Variants in WDR27 observed in about 807,000 individuals in gnomAD.
The protein encoded by WDR27 is WD repeat-containing protein 27.
A neutral mutation model predicts 114.4 loss-of-function variants in WDR27; 100 were observed. That is an observed-to-expected ratio of 0.87 (90% CI 0.74 to 1.03). The LOEUF (loss-of-function observed/expected upper bound fraction) is 1.03, where lower values mean the gene tolerates loss of function less well. WDR27 is among the 50% of genes least tolerant of loss of function. WDR27 has a pLI of 0.00. For synonymous variants in WDR27, 449 were observed against 423.1 expected (o/e 1.06, Z -0.75); for missense variants, 1,129 against 1,092.9 (o/e 1.03, Z -0.47).
intron 25 of WDR27, among the ~76,000 whole-genome samples, chr6:169,504,035 T>G (rs1161850684): frequency 6.6e-6 from 1 of 152,128 alleles, no homozygotes; most frequent in African/African-American, 2.4e-5. Flanking sequence ...TAAAATTTAC[T>G]TTACAATTCA....
intron 25 of WDR27, among the ~76,000 whole-genome samples, chr6:169,479,746 T>C (rs1304728461): frequency 6.6e-6 from 1 of 152,244 alleles, no homozygotes; most frequent in Non-Finnish European, 1.5e-5. Flanking sequence ...AGGTTACAAG[T>C]GCAGGTTTGT....
chr6:169,684,168 C>CA lies in WDR27; in HGVS notation c.189+4648dup, dbSNP rs1413589038. On this transcript the variant is annotated intron_variant, in intron 2 of 25. Transcript: ENST00000448612. This position sits in a 1 kb window ranked among gnomAD's most constrained non-coding sequence, Gnocchi z 4.3. ...CAACCCTCGCCACTGCACTTCCAGC[C>CA]AGAGAAACAACCCAGCACTCCTGCC... 6.6e-6 allele frequency among the ~76,000 whole-genome samples: 1 copy of CA among 152,110 alleles called. No homozygotes were observed. The highest frequency in any genetic ancestry group is 2.4e-5 in the African/African-American group (1 of 41,418).
At chr6:169,434,206 T>C in the WDR27 span, among the ~76,000 whole-genome samples, 1 of 152,060 alleles carries the variant, frequency 6.6e-6, no homozygotes, top group Non-Finnish European at 1.5e-5. Context: ...TCTTCTAGGG[T>C]TTTTTATGGT....
At chr6:169,506,480 T>C (rs1792009492) in intron 25 of WDR27, among the ~76,000 whole-genome samples, 1 of 152,198 alleles carries the variant, frequency 6.6e-6, no homozygotes, top group African/African-American at 2.4e-5. Flanking sequence ...TCCTTAGTAA[T>C]GACTGTCTGG....
At chr6:169,680,513 C>T (rs776847276) in intron 2 of WDR27, among the ~76,000 whole-genome samples, 5 of 152,122 alleles carry the variant, frequency 3.3e-5, no homozygotes, top group East Asian at 1.9e-4. Flanking sequence ...ACCCGGGAGG[C>T]GGAGCTTGCA....
intron 16 of WDR27, 174 bp downstream of exon 16, chr6:169,647,599 G>A (rs75438963): frequency 0.066 from 46,537 of 703,546 alleles, 1,784 homozygotes; most frequent in East Asian, 0.11. Flanking sequence ...CTACAGTCGA[G>A]TGAAACGCAG....
chr6:169,458,508 C>A (rs942502520), intron 25 of WDR27, among the ~76,000 whole-genome samples: 1 of 152,140 alleles, frequency 6.6e-6, no homozygotes, highest in Non-Finnish European at 1.5e-5. Flanking sequence ...GCCAGACATT[C>A]AAAAACAACT....
At chr6:169,664,666 T>C (rs778075895) in intron 7 of WDR27, 1 of 1,039,936 alleles carries the variant, frequency 9.6e-7, no homozygotes, top group Non-Finnish European at 1.2e-6. Context: ...GCGGTCAACT[T>C]TGTCAAAAGG....
chr6:169,474,065 C>A (rs1786805032), intron 25 of WDR27, among the ~76,000 whole-genome samples: 1 of 152,202 alleles, frequency 6.6e-6, no homozygotes, highest in Non-Finnish European at 1.5e-5. Context: ...CAAATCCTTT[C>A]CTAAAATAAA....
chr6:169,649,402 C>T, intron 14 of WDR27, 127 bp from the exon 15 acceptor site: 1 of 758,446 alleles, frequency 1.3e-6, no homozygotes, highest in Non-Finnish European at 2.2e-6. Context: ...GCTTTCGGGC[C>T]CCTCCCACCT....
Position 169,672,399 on chromosome 6 carries a change from G to C in WDR27, c.190-3C>G. ...TGGTGTCCTCGTAGGATTAGAAGCT[G>C]GGAAAATTAACAAAAATAAAACACA... On this transcript the variant is annotated splice_polypyrimidine_tract_variant and splice_region_variant and intron_variant, in intron 2 of 25. Transcript: ENST00000448612. 6.3e-7 allele frequency: 1 copy of C among 1,580,674 alleles called. No individual in the cohort carries two copies. The highest frequency in any genetic ancestry group is 8.6e-7 in the Non-Finnish European group (1 of 1,163,882).
chr6:169,529,672 C>T (rs1795359163), intron 25 of WDR27, among the ~76,000 whole-genome samples: 1 of 152,232 alleles, frequency 6.6e-6, no homozygotes, highest in East Asian at 1.9e-4. Flanking sequence ...TTTGGACAGG[C>T]TCATTCAAAT....
chr6:169,584,896 CT>C (rs1392235669), intron 23 of WDR27, among the ~76,000 whole-genome samples: 1 of 152,150 alleles, frequency 6.6e-6, no homozygotes, highest in Non-Finnish European at 1.5e-5. Flanking sequence ...AGGCATCACA[CT>C]TGATTTAAGA....
In WDR27 at chr6:169,584,678, T is replaced by C. The variant is rs140207949; in HGVS notation, c.2425-1744A>G. Among the ~76,000 whole-genome samples the C allele has an allele frequency of 1.2e-4, 19 of 152,348 alleles. No individual in the cohort carries two copies. In the South Asian group the frequency reaches 3.9e-3, roughly 32 times the overall value. On this transcript the variant is annotated intron_variant, in intron 23 of 25. Coordinates refer to ENST00000448612, the MANE Select transcript of WDR27 (RefSeq NM_182552.5). The stretch of plus-strand genomic sequence containing the variant: ...TAGTGATGTGGAGCACCTTTTCGTA[T>C]AGCTTTTTGGCCATTTTTATATTGT...
chr6:169,536,664 G>A (rs565147490), intron 25 of WDR27, among the ~76,000 whole-genome samples: 2 of 152,136 alleles, frequency 1.3e-5, no homozygotes, highest in South Asian at 4.2e-4. Context: ...CTAGGCTCTG[G>A]GATTAGGCAG....
At chr6:169,509,386 A>G (rs1194777848) in intron 25 of WDR27, among the ~76,000 whole-genome samples, 1 of 152,228 alleles carries the variant, frequency 6.6e-6, no homozygotes, top group Admixed American at 6.5e-5. Flanking sequence ...ACTATACTAC[A>G]AGGCTACAGT....
intron 24 of WDR27, among the ~76,000 whole-genome samples, chr6:169,578,916 G>A (rs1462634717): frequency 6.6e-6 from 1 of 152,148 alleles, no homozygotes; most frequent in East Asian, 1.9e-4. Flanking sequence ...TAAGAAGTGT[G>A]GGAGCTGCCG....
chr6:169,659,390 GAAGA>G lies in WDR27; in HGVS notation c.1197+57_1197+60del, dbSNP rs1483113600. On this transcript the variant is annotated intron_variant, in intron 11 of 25. Transcript: ENST00000448612. The surrounding 1 kb of genome is among the most constrained non-coding windows in gnomAD (Gnocchi z 4.3). ...CAGCCAGTCGTTACAGGATCACTCT[GAAGA>G]AAGAAGAAATCAGAGGCACGTCTCA... 1.8e-4 allele frequency: 281 copies of G among 1,593,448 alleles called. 1 individual carries two copies. The highest frequency in any genetic ancestry group is 1.3e-4 in the Non-Finnish European group (154 of 1,167,946).
Position 169,659,192 on chromosome 6 carries a change from C to G in WDR27, c.1213G>C (p.Ala405Pro), listed in dbSNP as rs752153199. 2 of 1,605,696 alleles carry G rather than the reference C, an allele frequency of 1.2e-6. No individual in the cohort carries two copies. Among genetic ancestry groups the G allele is most frequent in the African/African-American group, 2.7e-5 (2 of 74,298 alleles). The change falls in exon 12 of 26, where the codon GCC becomes CCC. Residue 405 changes from alanine to proline, a missense_variant. Ala to Pro is a conservative substitution (Grantham distance 27). Coordinates refer to ENST00000448612, the MANE Select transcript of WDR27 (RefSeq NM_182552.5). This position sits in a 1 kb window ranked among gnomAD's most constrained non-coding sequence, Gnocchi z 4.3. ...TADQKVLCLL[A>P]SLFGGKIAVL... ...GCAATCTTCCCGCCAAAGAGGGAGG[C>G]CAGCAAGCACAGCACCTGCAGGGAC...
Sources: gnomAD v4.1 joint callset for allele counts (sites outside exome capture counted in the v4.1 genomes callset) on GRCh38, gnomAD v4.1.1 for gene constraint, Gnocchi (gnomAD v3.1) non-coding constraint, MANE v1.5 for transcripts, NCBI Gene and HGNC (gene_info 2026-07-23, HGNC 2026-07-21) for gene names.